The following MARCHF1 variants were observed in gnomAD, a reference collection of about 807,000 sequenced individuals.
The protein encoded by MARCHF1 is membrane associated ring-CH-type finger 1.
In MARCHF1, 40 loss-of-function variants were observed where a neutral mutation model predicts 54.2. The observed-to-expected ratio is 0.74, with a 90% confidence interval of 0.57 to 0.96. The LOEUF (loss-of-function observed/expected upper bound fraction) is 0.96. Ranked by LOEUF, MARCHF1 falls within the 40% of genes least tolerant of loss-of-function variation. The probability of loss-of-function intolerance (pLI) is 0.00; values close to 1 mark genes in which losing one functional copy is unlikely to be tolerated. For synonymous variants in MARCHF1, 236 were observed against 236.3 expected (o/e 1.00, Z 0.01); for missense variants, 586 against 656.5 (o/e 0.89, Z 1.17).
chr4:163,679,497 CA>C (rs1175029009), intron 5 of MARCHF1, among the ~76,000 whole-genome samples: 1 of 152,176 alleles, frequency 6.6e-6, no homozygotes, highest in Non-Finnish European at 1.5e-5. Flanking sequence ...CCAGAGTCTT[CA>C]ACTCCTTACA....
At chr4:164,181,058 A>T (rs1361713870) in intron 1 of MARCHF1, among the ~76,000 whole-genome samples, 1 of 152,182 alleles carries the variant, frequency 6.6e-6, no homozygotes, top group East Asian at 1.9e-4. Context: ...CCCACTGCTC[A>T]TAGGATGAAA....
intron 3 of MARCHF1, among the ~76,000 whole-genome samples, chr4:163,887,455 G>T (rs1225724664): frequency 6.6e-6 from 1 of 151,976 alleles, no homozygotes; most frequent in African/African-American, 2.4e-5. Context: ...CTACTCAGAG[G>T]GTGTTCAGGG....
At chr4:164,155,867 C>T (rs895903450) in intron 1 of MARCHF1, among the ~76,000 whole-genome samples, 1 of 152,132 alleles carries the variant, frequency 6.6e-6, no homozygotes, top group Non-Finnish European at 1.5e-5. Context: ...CCACAAGATA[C>T]TAAGAGCTCC....
intron 4 of MARCHF1, among the ~76,000 whole-genome samples, chr4:163,841,886 GTTCTC>G: frequency 6.6e-6 from 1 of 152,184 alleles, no homozygotes; most frequent in South Asian, 2.1e-4. Flanking sequence ...AGGTGTCTAA[GTTCTC>G]ATATCAGCAT....
At chr4:163,820,211 T>C (rs1430478890) in intron 4 of MARCHF1, among the ~76,000 whole-genome samples, 1 of 152,066 alleles carries the variant, frequency 6.6e-6, no homozygotes, top group Non-Finnish European at 1.5e-5. Context: ...CCGAATCCAA[T>C]ACATATTTTT....
intron 8 of MARCHF1, among the ~76,000 whole-genome samples, chr4:163,569,131 T>C (rs552589368): frequency 6.6e-6 from 1 of 152,226 alleles, no homozygotes; most frequent in East Asian, 1.9e-4. Context: ...TGATGCTGCA[T>C]AGCAATCTGT....
chr4:163,584,584 T>C (rs529654392), intron 8 of MARCHF1: 6 of 152,292 alleles, frequency 3.9e-5, no homozygotes, highest in South Asian at 2.1e-4. Flanking sequence ...AGACCACACA[T>C]ATCCTAAAGG....
intron 4 of MARCHF1, among the ~76,000 whole-genome samples, chr4:163,819,260 T>C (rs929535889): frequency 6.6e-6 from 1 of 152,158 alleles, no homozygotes; most frequent in African/African-American, 2.4e-5. Flanking sequence ...TCACTTACTT[T>C]GCTTCACTTC....
At chr4:164,176,962 CTCTCTCTCTCTCTCTCTCT>C (rs1560940429) in intron 1 of MARCHF1, among the ~76,000 whole-genome samples, 231 of 41,838 alleles carry the variant, frequency 5.5e-3, no homozygotes, top group Non-Finnish European at 7.6e-3. Flanking sequence ...CTCTCTCTCT[CTCTCTCTCTCTCTCTCTCT>C]ATATATATAT....
chr4:164,157,416 T>C (rs1412720151), intron 1 of MARCHF1, among the ~76,000 whole-genome samples: 1 of 152,176 alleles, frequency 6.6e-6, no homozygotes, highest in East Asian at 1.9e-4. Context: ...ATAATGCATA[T>C]TGCTCTGTGT....
chr4:164,173,461 A>C (rs1730581006), intron 1 of MARCHF1, among the ~76,000 whole-genome samples: 1 of 152,228 alleles, frequency 6.6e-6, no homozygotes. Context: ...TTAAAATAAT[A>C]ATGGCAGACG....
intron 2 of MARCHF1, among the ~76,000 whole-genome samples, chr4:163,991,696 C>T (rs1752970170): frequency 6.6e-6 from 1 of 152,074 alleles, no homozygotes; most frequent in Admixed American, 6.6e-5. Flanking sequence ...ATTATGTGAT[C>T]CAGATTTTTA....
chr4:163,526,940 T>G lies in MARCHF1; in HGVS notation c.*1808A>C, dbSNP rs1738129024. On this transcript the variant is annotated 3_prime_UTR_variant, in exon 10 of 10. Coordinates refer to ENST00000514618, the MANE Select transcript of MARCHF1 (RefSeq NM_001394959.1). ...ACTACTAATATTTATACCATCTTTC[T>G]CCTCATTTAAAGGTTTGTTTTTTTT... The G allele has an allele frequency of 1.3e-5, 2 of 151,610 alleles. No individual in the cohort carries two copies. The highest frequency in any genetic ancestry group is 2.9e-5 in the Non-Finnish European group (2 of 67,820). 9.4% of individuals were successfully genotyped at this position (151,610 alleles called of 1,614,324 possible).
rs181396091 is a variant in MARCHF1 at position 164,113,478 on chromosome 4, G to C, written c.-322-1816C>G. On this transcript the variant is annotated intron_variant, in intron 1 of 9. Transcript: ENST00000514618. ...AAAGGAAAAGAGAGAGGGAGGGAAA[G>C]ATAAAGAAAAAGAGGAAAGAAAGAT... 1.4e-3 allele frequency among the ~76,000 whole-genome samples: 207 copies of C among 152,044 alleles called. 1 individual carries two copies. Among genetic ancestry groups the C allele is most frequent in the African/African-American group, 4.7e-3 (197 of 41,526 alleles).
At chr4:163,907,060 A>G (rs1201531354) in intron 3 of MARCHF1, among the ~76,000 whole-genome samples, 6 of 152,030 alleles carry the variant, frequency 3.9e-5, no homozygotes, top group African/African-American at 7.2e-5. Context: ...AGTAACATGT[A>G]TTTTATATCA....
chr4:164,326,748 A>T (rs889894487), intron 1 of MARCHF1, among the ~76,000 whole-genome samples: 1 of 152,212 alleles, frequency 6.6e-6, no homozygotes, highest in African/African-American at 2.4e-5. Flanking sequence ...CACATTTTCA[A>T]TTAAACCACA....
At chr4:163,896,300 T>G (rs751150797) in intron 3 of MARCHF1, among the ~76,000 whole-genome samples, 1 of 152,216 alleles carries the variant, frequency 6.6e-6, no homozygotes, top group Non-Finnish European at 1.5e-5. Context: ...TTCTTTCACC[T>G]CTGTAGCACT....
chr4:164,196,800 C>T (rs1560948875), intron 1 of MARCHF1, among the ~76,000 whole-genome samples: 1 of 151,904 alleles, frequency 6.6e-6, no homozygotes, highest in Non-Finnish European at 1.5e-5. Context: ...TTTAGTCCAC[C>T]GCCTCCTGCC....
chr4:164,379,020 T>C lies in MARCHF1; in HGVS notation c.-323+4850A>G, dbSNP rs192616326. Among the ~76,000 whole-genome samples the C allele has an allele frequency of 2.7e-3, 416 of 152,296 alleles. 1 individual carries two copies. Among genetic ancestry groups the C allele is most frequent in the African/African-American group, 8.7e-3 (363 of 41,556 alleles). ...GAGCCACTGCACCTGGCTGAGTCTT[T>C]ATAATTTTTATATACAATAACTAAA... On this transcript the variant is annotated intron_variant, in intron 1 of 9. Coordinates refer to ENST00000514618, the MANE Select transcript of MARCHF1 (RefSeq NM_001394959.1).
Sources: allele counts gnomAD v4.1 joint callset (sites outside exome capture counted in the v4.1 genomes callset), GRCh38; gene constraint gnomAD v4.1.1; transcripts MANE v1.5; gene names NCBI Gene and HGNC (gene_info 2026-07-23, HGNC 2026-07-21).